Variants in LINC00632 observed in about 807,000 individuals in gnomAD.
LINC00632 encodes long independently transcribed non-coding RNA 632.
chrX:140,725,962 A>G (rs761837586), intron 2 of LINC00632, among the ~76,000 whole-genome samples: 18 of 111,522 alleles, frequency 1.6e-4, no homozygotes, highest in Admixed American at 2.9e-4. Flanking sequence ...TACTCACTCA[A>G]TAACACTGAT....
At chrX:140,719,570 A>G (rs1367890197) in intron 2 of LINC00632, among the ~76,000 whole-genome samples, 4 of 108,996 alleles carry the variant, frequency 3.7e-5, no homozygotes, top group Non-Finnish European at 7.6e-5. Flanking sequence ...TGCTGGAATT[A>G]TAGGCGTGAG....
At chrX:140,789,492 T>C (rs945390114) in exon 5 of LINC00632, among the ~76,000 whole-genome samples, 2 of 111,746 alleles carry the variant, frequency 1.8e-5, no homozygotes, top group Non-Finnish European at 3.8e-5. Flanking sequence ...CTAATATAGA[T>C]AATGATATAT....
intron 2 of LINC00632, among the ~76,000 whole-genome samples, chrX:140,721,304 CT>C (rs1310670108): frequency 6.3e-5 from 7 of 111,562 alleles, no homozygotes; most frequent in African/African-American, 9.8e-5. Flanking sequence ...GAATACATGC[CT>C]TGTGACACCA....
At chrX:140,717,151 T>G (rs1413411177) in intron 2 of LINC00632, among the ~76,000 whole-genome samples, 1 of 110,237 alleles carries the variant, frequency 9.1e-6, no homozygotes, top group Non-Finnish European at 1.9e-5. Flanking sequence ...TGGCTAATTT[T>G]TTTGTATTTT....
chrX:140,787,160 AAT>A (rs1204881967), exon 5 of LINC00632, among the ~76,000 whole-genome samples: 1 of 107,718 alleles, frequency 9.3e-6, no homozygotes, highest in Non-Finnish European at 1.9e-5. Context: ...AACACTTCAA[AAT>A]ATATGTTAGC....
intron 2 of LINC00632, chrX:140,713,960 C>G (rs1930572418): frequency 1.1e-5 from 3 of 261,554 alleles, no homozygotes; most frequent in South Asian, 3.6e-5. Context: ...ACGGCTTCCC[C>G]GACAAGCACA....
exon 5 of LINC00632, among the ~76,000 whole-genome samples, chrX:140,780,816 G>A (rs937897768): frequency 3.6e-5 from 4 of 111,571 alleles, no homozygotes; most frequent in South Asian, 7.5e-4. Flanking sequence ...AACTGATGCT[G>A]TGTCTGCTGA....
intron 3 of LINC00632, among the ~76,000 whole-genome samples, chrX:140,746,571 T>A (rs1931329630): frequency 8.9e-6 from 1 of 112,466 alleles, no homozygotes; most frequent in Admixed American, 9.5e-5. Flanking sequence ...TTCACATTCC[T>A]GATGGATTTG....
At chrX:140,780,247 A>G (rs953482454) in exon 5 of LINC00632, among the ~76,000 whole-genome samples, 1 of 111,910 alleles carries the variant, frequency 8.9e-6, no homozygotes, top group Non-Finnish European at 1.9e-5. Context: ...AGAATATGAG[A>G]GTTTGCGCCT....
chrX:140,766,185 T>G (rs1931689136), intron 3 of LINC00632, among the ~76,000 whole-genome samples: 1 of 111,895 alleles, frequency 8.9e-6, no homozygotes, highest in African/African-American at 3.2e-5. Flanking sequence ...CTTATAGGCC[T>G]GGTTTAGCTG....
At chrX:140,789,771 C>A (rs925306444) in exon 5 of LINC00632, among the ~76,000 whole-genome samples, 4 of 111,035 alleles carry the variant, frequency 3.6e-5, no homozygotes, top group Non-Finnish European at 5.7e-5. Context: ...TTGTTTGTAT[C>A]CTTTACCTAT....
chrX:140,742,877 G>GGAAGGAAGGAAGGAAGGAAGGAAGGA (rs1556023996), intron 3 of LINC00632, among the ~76,000 whole-genome samples: 1 of 94,410 alleles, frequency 1.1e-5, no homozygotes, highest in Admixed American at 1.2e-4. Context: ...GAGAGAGAGA[G>GGAAGGAAGGAAGGAAGGAAGGAAGGA]AGGAAGGAAG....
intron 3 of LINC00632, among the ~76,000 whole-genome samples, chrX:140,742,032 G>C (rs1214869438): frequency 8.9e-6 from 1 of 111,984 alleles, no homozygotes; most frequent in Non-Finnish European, 1.9e-5. Context: ...GCTCCTCCCT[G>C]TCTCTCAGCT....
intron 2 of LINC00632, among the ~76,000 whole-genome samples, chrX:140,727,967 G>A (rs938032873): frequency 1.7e-4 from 19 of 111,761 alleles, no homozygotes; most frequent in Middle Eastern, 4.3e-3. Flanking sequence ...CAGGCCGGGC[G>A]TGGTGGCTCA....
At chrX:140,778,403 G>A (rs1931898053) in exon 5 of LINC00632, among the ~76,000 whole-genome samples, 1 of 111,133 alleles carries the variant, frequency 9.0e-6, no homozygotes, top group African/African-American at 3.3e-5. Context: ...TCAAGAGATC[G>A]AGACCATCCT....
intron 3 of LINC00632, among the ~76,000 whole-genome samples, chrX:140,749,947 G>A (rs898799134): frequency 4.5e-5 from 5 of 110,776 alleles, no homozygotes; most frequent in East Asian, 5.7e-4. Flanking sequence ...TCCTGCTTTC[G>A]CCTCCTCAAA....
intron 2 of LINC00632, among the ~76,000 whole-genome samples, chrX:140,733,506 A>G (rs1401124765): frequency 8.9e-6 from 1 of 112,061 alleles, no homozygotes; most frequent in East Asian, 2.8e-4. Context: ...CCTATCTTTT[A>G]GAGTTCTTTG....
intron 3 of LINC00632, among the ~76,000 whole-genome samples, chrX:140,736,506 G>A (rs1206965593): frequency 2.1e-5 from 2 of 96,800 alleles, no homozygotes; most frequent in Admixed American, 1.3e-4. Context: ...AGTTGATCTC[G>A]GCTCACTGCA....
rs1241380242 is a variant in LINC00632 at position 140,777,779 on chromosome X, G to C, written n.5798G>C. ...TCCTGCCTTTGTCTTTCAAATGAGA[G>C]AATAAGACCACTTGGTGTCTAAAGT... On this transcript the variant is annotated non_coding_transcript_exon_variant, in exon 5 of 5. Coordinates refer to ENST00000648200, the Ensembl canonical transcript of LINC00632. Among the ~76,000 whole-genome samples, 4 of 112,481 alleles carry C rather than the reference G, an allele frequency of 3.6e-5. No homozygotes were observed. The East Asian group carries it at 1.1e-3, about 31-fold the overall frequency.
Sources: gnomAD v4.1 joint callset for allele counts (sites outside exome capture counted in the v4.1 genomes callset) on GRCh38, gnomAD v4.1.1 for gene constraint, MANE v1.5 for transcripts, NCBI Gene and HGNC (gene_info 2026-07-23, HGNC 2026-07-21) for gene names.